The following MTBP variants were observed in gnomAD, a reference collection of about 807,000 sequenced individuals.
MTBP encodes mdm2-binding protein.
MTBP carries 101 observed loss-of-function variants against 117.0 expected under a neutral mutation model. That is an observed-to-expected ratio of 0.86 (90% CI 0.73 to 1.02). MTBP has a LOEUF of 1.02. Ranked by LOEUF, MTBP falls within the 50% of genes least tolerant of loss-of-function variation. The probability of loss-of-function intolerance (pLI) is 0.00; values close to 1 mark genes in which losing one functional copy is unlikely to be tolerated. For synonymous variants in MTBP, 350 were observed against 351.5 expected, an observed-to-expected ratio of 1.00 and a Z score of 0.05; for missense variants, 970 against 1,030.9, an observed-to-expected ratio of 0.94 and a Z score of 0.81.
intron 7 of MTBP, among the ~76,000 whole-genome samples, 185 bp downstream of exon 7, chr8:120,456,855 G>T (rs1445847660): frequency 6.6e-6 from 1 of 152,000 alleles, no homozygotes; most frequent in Non-Finnish European, 1.5e-5. Context: ...ACCACTTATT[G>T]CTACTGAGCA....
chr8:120,503,525 C>A (rs1446635857), intron 15 of MTBP, among the ~76,000 whole-genome samples: 2 of 152,126 alleles, frequency 1.3e-5, no homozygotes, highest in Non-Finnish European at 2.9e-5. Flanking sequence ...TACATTTGAG[C>A]TGAGACCTAA....
At chr8:120,449,013 A>G (rs1323487054) in intron 2 of MTBP, among the ~76,000 whole-genome samples, 1 of 152,124 alleles carries the variant, frequency 6.6e-6, no homozygotes, top group Non-Finnish European at 1.5e-5. Flanking sequence ...TAAGGAGGAG[A>G]CATGATCAGA....
chr8:120,467,320 A>T (rs982835338), intron 10 of MTBP, among the ~76,000 whole-genome samples: 1 of 152,170 alleles, frequency 6.6e-6, no homozygotes, highest in Non-Finnish European at 1.5e-5. Flanking sequence ...TTTAATCAAG[A>T]TTTTGAAACT....
chr8:120,518,666 T>A (rs1478670867), intron 19 of MTBP, 38 bp from the exon 20 acceptor site: 1 of 1,406,822 alleles, frequency 7.1e-7, no homozygotes, highest in Non-Finnish European at 9.8e-7. Flanking sequence ...TTGTGCCTTT[T>A]CCAAGAAATA....
chr8:120,465,888 A>G (rs1813678050), intron 10 of MTBP, among the ~76,000 whole-genome samples: 1 of 152,254 alleles, frequency 6.6e-6, no homozygotes, highest in South Asian at 2.1e-4. Flanking sequence ...CAGGTGTAAC[A>G]TAAGCATTAG....
At chr8:120,488,677 C>T (rs1814272961) in intron 12 of MTBP, among the ~76,000 whole-genome samples, 1 of 152,008 alleles carries the variant, frequency 6.6e-6, no homozygotes, top group Admixed American at 6.6e-5. Flanking sequence ...TATTTTATTG[C>T]CCATCTTTCC....
chr8:120,520,558 G>A (rs972187662), intron 20 of MTBP, among the ~76,000 whole-genome samples: 9 of 152,146 alleles, frequency 5.9e-5, no homozygotes, highest in African/African-American at 1.9e-4. Context: ...AAGCGTCCTA[G>A]CTTGTCCAAG....
At chr8:120,485,449 C>T (rs1449226005) in intron 11 of MTBP, among the ~76,000 whole-genome samples, 2 of 152,142 alleles carry the variant, frequency 1.3e-5, no homozygotes, top group African/African-American at 4.8e-5. Flanking sequence ...TTGTACTTTT[C>T]CACTCCAGTG....
At chr8:120,456,778 T>G in intron 7 of MTBP, 108 bp downstream of exon 7, 1 of 691,808 alleles carries the variant, frequency 1.4e-6, no homozygotes, top group Non-Finnish European at 2.5e-6. Flanking sequence ...TATTCTAGAA[T>G]AGCACTAAGT....
chr8:120,486,270 C>T (rs760905250), intron 11 of MTBP, among the ~76,000 whole-genome samples: 51 of 152,138 alleles, frequency 3.4e-4, no homozygotes, highest in African/African-American at 1.2e-3. Flanking sequence ...CTCCAACTTA[C>T]CCGCAATCTG....
chr8:120,452,646 T>C, intron 4 of MTBP: 1 of 152,014 alleles, frequency 6.6e-6, no homozygotes, highest in East Asian at 1.9e-4. Flanking sequence ...CTGGCTAACA[T>C]GGTGAAACCC....
intron 11 of MTBP, among the ~76,000 whole-genome samples, chr8:120,475,977 C>T (rs1813927892): frequency 6.6e-6 from 1 of 151,704 alleles, no homozygotes; most frequent in Admixed American, 6.6e-5. Flanking sequence ...ATTCTCGAAA[C>T]AATACTGAGA....
At chr8:120,520,419 A>G (rs1373780171) in intron 20 of MTBP, among the ~76,000 whole-genome samples, 1 of 152,192 alleles carries the variant, frequency 6.6e-6, no homozygotes, top group African/African-American at 2.4e-5. Context: ...TGGAGGATTA[A>G]TACAGAAGAT....
At chr8:120,460,647 G>A (rs1453333136) in intron 8 of MTBP, among the ~76,000 whole-genome samples, 1 of 152,026 alleles carries the variant, frequency 6.6e-6, no homozygotes, top group Non-Finnish European at 1.5e-5. Flanking sequence ...ATGTTAATTA[G>A]CACATGCTGG....
At chr8:120,510,592 G>T (rs1256314490) in intron 17 of MTBP, among the ~76,000 whole-genome samples, 4 of 152,128 alleles carry the variant, frequency 2.6e-5, no homozygotes, top group African/African-American at 9.7e-5. Context: ...ATCTGTCTGT[G>T]TGAAAAATAC....
intron 9 of MTBP, 126 bp downstream of exon 9, chr8:120,461,381 A>G: frequency 3.1e-6 from 2 of 650,830 alleles, no homozygotes; most frequent in Non-Finnish European, 5.0e-6. Context: ...TTTAATGTTG[A>G]TGTTCAAGTA....
chr8:120,455,726 T>G (rs1813453635), intron 6 of MTBP, 147 bp downstream of exon 6: 1 of 713,050 alleles, frequency 1.4e-6, no homozygotes, highest in African/African-American at 1.9e-5. Flanking sequence ...CAAATTTGTG[T>G]ATTGAGAAGA....
intron 11 of MTBP, chr8:120,473,983 C>T (rs1423291516): frequency 6.6e-6 from 1 of 151,992 alleles, no homozygotes; most frequent in Non-Finnish European, 1.5e-5. Flanking sequence ...ATAACTTTCT[C>T]CAACTTCAAA....
Position 120,509,846 on chromosome 8 carries a change from G to T in MTBP, c.1884-88G>T, listed in dbSNP as rs986817624. 65 of 857,318 alleles carry T rather than the reference G, an allele frequency of 7.6e-5. No homozygotes were observed. In the African/African-American group the frequency reaches 9.4e-4, roughly 12 times the overall value. The allele number at this position is 857,318 out of a possible 1,614,324, so 53.1% of individuals were successfully genotyped here. A position where few individuals can be genotyped will look rare whatever the true frequency, so the allele number is the denominator to read the frequency against. On this transcript the variant is annotated intron_variant, in intron 16 of 21. Transcript: ENST00000305949. ...TAAAATTCCAATTGTAGAGGAAAAAGTCAGATTTGTTTCATTAGATACTTT... is the reference window on the plus strand; with the variant it reads ...TAAAATTCCAATTGTAGAGGAAAAATTCAGATTTGTTTCATTAGATACTTT...
Sources: gnomAD v4.1 joint callset for allele counts (sites outside exome capture counted in the v4.1 genomes callset) on GRCh38, gnomAD v4.1.1 for gene constraint, MANE v1.5 for transcripts, NCBI Gene and HGNC (gene_info 2026-07-23, HGNC 2026-07-21) for gene names.